CACNG2: variants seen among roughly 807,000 people sequenced by gnomAD.
CACNG2 encodes voltage-dependent calcium channel gamma-2 subunit.
Under a neutral mutation model 25.9 loss-of-function variants are expected in CACNG2, and 3 were observed. That is an observed-to-expected ratio of 0.12 (90% CI 0.05 to 0.30). CACNG2 has a LOEUF of 0.30. Among genes scored for constraint, CACNG2 ranks in the 10% least tolerant of loss-of-function variants. The pLI, the probability that CACNG2 is intolerant of heterozygous loss-of-function variation, is 1.00. For synonymous variants in CACNG2, 167 were observed against 173.3 expected, an observed-to-expected ratio of 0.96 and a Z score of 0.29; for missense variants, 341 against 432.5, an observed-to-expected ratio of 0.79 and a Z score of 1.88.
At position 36,703,329 on chromosome 22, in the gene CACNG2, G is replaced by T. The variant is rs1249716573; in HGVS notation, c.-753C>A. On this transcript the variant is annotated 5_prime_UTR_variant, in exon 1 of 4. Coordinates refer to ENST00000300105, the MANE Select transcript of CACNG2 (RefSeq NM_006078.5). ...AGCAGCGGCGGCGGTTATTGTTGTT[G>T]GTGGCGGGGGTAGTGTTGGCGAAGT... 2.3e-4 allele frequency: 35 copies of T among 154,374 alleles called. No individual in the cohort carries two copies. Among genetic ancestry groups the T allele is most frequent in the Middle Eastern group, 3.1e-3 (1 of 326 alleles). The allele number at this position is 154,374 out of a possible 1,614,324, so 9.6% of individuals were successfully genotyped here.
intron 1 of CACNG2, among the ~76,000 whole-genome samples, chr22:36,641,369 C>T (rs1268869106): frequency 6.6e-6 from 1 of 152,170 alleles, no homozygotes; most frequent in Non-Finnish European, 1.5e-5. Flanking sequence ...GAACAAGTTC[C>T]CAGTAGGCAG....
chr22:36,686,599 T>TGTG (rs968322957), intron 1 of CACNG2, among the ~76,000 whole-genome samples: 28 of 152,310 alleles, frequency 1.8e-4, no homozygotes, highest in African/African-American at 6.0e-4. Flanking sequence ...GAGGGAATAT[T>TGTG]GTGGTGGTGG....
chr22:36,677,911 T>C (rs1472619818), intron 1 of CACNG2, among the ~76,000 whole-genome samples: 2 of 152,254 alleles, frequency 1.3e-5, no homozygotes, highest in African/African-American at 2.4e-5. Flanking sequence ...TCTTTTTAAG[T>C]ATAATTTTGA....
chr22:36,639,376 T>C (rs1288725596), intron 1 of CACNG2, among the ~76,000 whole-genome samples: 1 of 152,164 alleles, frequency 6.6e-6, no homozygotes, highest in African/African-American at 2.4e-5. Flanking sequence ...TATAACTGAG[T>C]GCCACAGAGG....
chr22:36,656,484 A>G (rs1002161075), intron 1 of CACNG2, among the ~76,000 whole-genome samples: 2 of 152,130 alleles, frequency 1.3e-5, no homozygotes, highest in Non-Finnish European at 2.9e-5. Flanking sequence ...CACTACCCCT[A>G]ATTCAAGCCA....
intron 1 of CACNG2, among the ~76,000 whole-genome samples, chr22:36,692,912 G>C (rs886744247): frequency 6.6e-6 from 1 of 152,228 alleles, no homozygotes; most frequent in African/African-American, 2.4e-5. Flanking sequence ...TTGGAAGGCC[G>C]AGGTGGGTGG....
intron 1 of CACNG2, among the ~76,000 whole-genome samples, chr22:36,624,095 T>C (rs1317959775): frequency 6.6e-6 from 1 of 152,218 alleles, no homozygotes; most frequent in East Asian, 1.9e-4. Flanking sequence ...AGAGGGGACC[T>C]TGTTGCCTTT....
At chr22:36,653,541 C>T (rs1348098607) in intron 1 of CACNG2, among the ~76,000 whole-genome samples, 1 of 126,634 alleles carries the variant, frequency 7.9e-6, no homozygotes, top group Non-Finnish European at 1.5e-5. Flanking sequence ...CTCCGTCAGG[C>T]ACCTGCCTGG....
intron 1 of CACNG2, among the ~76,000 whole-genome samples, chr22:36,614,689 G>A (rs1935997338): frequency 6.6e-6 from 1 of 152,114 alleles, no homozygotes; most frequent in Admixed American, 6.6e-5. Flanking sequence ...AAGTGGTGAG[G>A]CCTGTGATGC....
At chr22:36,637,964 G>A (rs1437943393) in intron 1 of CACNG2, among the ~76,000 whole-genome samples, 4 of 151,984 alleles carry the variant, frequency 2.6e-5, no homozygotes, top group Non-Finnish European at 4.4e-5. Flanking sequence ...GGAGGTTGCA[G>A]TGAGCCAAGA....
intron 1 of CACNG2, among the ~76,000 whole-genome samples, chr22:36,658,981 T>A (rs569004028): frequency 1.3e-5 from 2 of 152,122 alleles, no homozygotes; most frequent in East Asian, 3.9e-4. Context: ...AGACGGTGGC[T>A]CTCCGAAGTG....
At chr22:36,702,315 G>T in intron 1 of CACNG2, 51 bp downstream of exon 1, 2 of 1,118,398 alleles carry the variant, frequency 1.8e-6, no homozygotes, top group Admixed American at 2.3e-5. Context: ...AGGGGGGAGT[G>T]AAAGGGGAGG....
At chr22:36,684,135 C>CA (rs1791586047) in intron 1 of CACNG2, among the ~76,000 whole-genome samples, 1 of 152,164 alleles carries the variant, frequency 6.6e-6, no homozygotes, top group African/African-American at 2.4e-5. Context: ...AACGCTTTTG[C>CA]AAAGTGAATG....
intron 1 of CACNG2, among the ~76,000 whole-genome samples, chr22:36,591,284 C>T (rs969080815): frequency 2.0e-4 from 30 of 152,140 alleles, no homozygotes; most frequent in African/African-American, 6.3e-4. Flanking sequence ...CTGCTTCGGC[C>T]TCCCAAAGTG....
At chr22:36,631,146 G>A (rs1936263823) in intron 1 of CACNG2, among the ~76,000 whole-genome samples, 1 of 152,036 alleles carries the variant, frequency 6.6e-6, no homozygotes, top group Admixed American at 6.5e-5. Flanking sequence ...GCTCTTTAAT[G>A]GGCAAAAGAT....
chr22:36,626,855 A>G (rs1462293501), intron 1 of CACNG2, among the ~76,000 whole-genome samples: 3 of 152,222 alleles, frequency 2.0e-5, no homozygotes, highest in Non-Finnish European at 4.4e-5. Flanking sequence ...GAAGACCCCA[A>G]AGATGGTCAG....
chr22:36,568,393 T>C (rs1179297777), intron 2 of CACNG2, among the ~76,000 whole-genome samples: 1 of 152,072 alleles, frequency 6.6e-6, no homozygotes, highest in Admixed American at 6.5e-5. Flanking sequence ...TCTTTTTCTT[T>C]TTTAAAATTT....
intron 1 of CACNG2, among the ~76,000 whole-genome samples, chr22:36,607,655 G>C (rs1159245042): frequency 6.9e-6 from 1 of 143,906 alleles, no homozygotes; most frequent in Non-Finnish European, 1.5e-5. Flanking sequence ...AATAGCTCGT[G>C]CAACGAGGAC....
At position 36,564,460 on chromosome 22, in the gene CACNG2, T is replaced by C; in HGVS notation, c.863A>G (p.Tyr288Cys). 6.2e-7 allele frequency: 1 copy of C among 1,614,090 alleles called. No homozygotes were observed. The highest frequency in any genetic ancestry group is 8.5e-7 in the Non-Finnish European group (1 of 1,179,984). ...LKAATTPTAT[Y>C]NSDRDNSFLQ... Reference sequence around the variant, plus strand: ...GAAGCTGTTATCCCTGTCGGAGTTGTAGGTGGCGGTGGGCGTGGTGGCGGC... The same window carrying C: ...GAAGCTGTTATCCCTGTCGGAGTTGCAGGTGGCGGTGGGCGTGGTGGCGGC... Residue 288 changes from tyrosine (Y) to cysteine (C), a missense_variant, in exon 4 of 4, where the codon TAC (tyrosine) becomes TGC (cysteine). Coordinates refer to ENST00000300105, the MANE Select transcript of CACNG2 (RefSeq NM_006078.5). The surrounding 1 kb of genome is among the most constrained non-coding windows in gnomAD (Gnocchi z 6.7).
Sources: gnomAD v4.1 joint callset for allele counts (sites outside exome capture counted in the v4.1 genomes callset) on GRCh38, gnomAD v4.1.1 for gene constraint, Gnocchi (gnomAD v3.1) non-coding constraint, MANE v1.5 for transcripts, NCBI Gene and HGNC (gene_info 2026-07-23, HGNC 2026-07-21) for gene names.